Variants in FBXL17 observed in about 807,000 individuals in gnomAD.
FBXL17 encodes the protein F-box/LRR-repeat protein 17.
A neutral mutation model predicts 66.2 loss-of-function variants in FBXL17; 22 were observed. The observed-to-expected ratio is 0.33, with a 90% confidence interval of 0.24 to 0.47. The LOEUF (loss-of-function observed/expected upper bound fraction) is 0.47, where lower values mean the gene tolerates loss of function less well. Ranked by LOEUF, FBXL17 falls within the 20% of genes least tolerant of loss-of-function variation. The pLI, the probability that FBXL17 is intolerant of heterozygous loss-of-function variation, is 1.00. For synonymous variants in FBXL17, 474 were observed against 400.5 expected (o/e 1.18, Z -2.19); for missense variants, 878 against 948.2 (o/e 0.93, Z 0.97).
At chr5:108,185,502 C>T (rs570416410) in intron 6 of FBXL17, among the ~76,000 whole-genome samples, 104 of 152,252 alleles carry the variant, frequency 6.8e-4, no homozygotes, top group Non-Finnish European at 1.3e-3. Context: ...GCCTGCAGAA[C>T]TGTGAATTAA....
chr5:108,003,035 T>C (rs1165576777), intron 7 of FBXL17, among the ~76,000 whole-genome samples: 2 of 152,216 alleles, frequency 1.3e-5, no homozygotes, highest in Non-Finnish European at 2.9e-5. Flanking sequence ...TTAAAATGCA[T>C]GAATTTTATA....
At chr5:108,127,670 A>T (rs1561423737) in intron 6 of FBXL17, among the ~76,000 whole-genome samples, 2 of 152,204 alleles carry the variant, frequency 1.3e-5, no homozygotes, top group Admixed American at 6.5e-5. Context: ...TAGATTTTTT[A>T]AAATTCTGCT....
rs186037745 is a variant in FBXL17 at position 108,233,672 on chromosome 5, T to A, written c.1507-9444A>T. Reference sequence around the variant, plus strand: ...TTCTCAAAGCCAAGCTACACTTTTATAACTGCATGAAATGGATGTAGGCAC... The same window carrying A: ...TTCTCAAAGCCAAGCTACACTTTTAAAACTGCATGAAATGGATGTAGGCAC... On this transcript the variant is annotated intron_variant, in intron 4 of 8. Transcript: ENST00000542267. Among the ~76,000 whole-genome samples, 42 of 152,308 alleles carry A rather than the reference T, an allele frequency of 2.8e-4. No homozygotes were observed. The South Asian group carries it at 6.8e-3, about 25-fold the overall frequency.
intron 5 of FBXL17, among the ~76,000 whole-genome samples, chr5:108,222,067 GCCT>G (rs1754889263): frequency 7.2e-5 from 11 of 152,280 alleles, no homozygotes; most frequent in African/African-American, 2.6e-4. Context: ...AGCAATCCTT[GCCT>G]AAAATCTTCA....
chr5:108,341,509 C>T (rs942425592), intron 4 of FBXL17, among the ~76,000 whole-genome samples: 5 of 152,038 alleles, frequency 3.3e-5, no homozygotes, highest in African/African-American at 1.2e-4. Context: ...TTATGGGTGA[C>T]AGGCATACAG....
At chr5:108,106,596 T>A (rs1256242913) in intron 6 of FBXL17, among the ~76,000 whole-genome samples, 2 of 152,162 alleles carry the variant, frequency 1.3e-5, no homozygotes, top group Admixed American at 6.5e-5. Flanking sequence ...TGCTACAACA[T>A]GGAAGAACAC....
At position 108,098,676 on chromosome 5, in the gene FBXL17, C is replaced by T. The variant is rs142321482; in HGVS notation, c.1746-77675G>A. Among the ~76,000 whole-genome samples, 456 of 145,820 alleles carry T rather than the reference C, an allele frequency of 3.1e-3. 2 individuals are homozygous for T. The highest frequency in any genetic ancestry group is 0.011 in the African/African-American group (438 of 39,276). Reference sequence around the variant, plus strand: ...AGGAAAATGGCGTGAACCCGGGAGGCGGCGCTTGCAATGAGCCAAGATCGT... The same window carrying T: ...AGGAAAATGGCGTGAACCCGGGAGGTGGCGCTTGCAATGAGCCAAGATCGT... On this transcript the variant is annotated intron_variant, in intron 6 of 8. Transcript: ENST00000542267.
chr5:108,153,886 G>A (rs1011727224), intron 6 of FBXL17, among the ~76,000 whole-genome samples: 4 of 152,130 alleles, frequency 2.6e-5, no homozygotes, highest in African/African-American at 9.7e-5. Context: ...GTTTATACCT[G>A]TATCTATGAA....
At chr5:108,167,553 C>T (rs960181131) in intron 6 of FBXL17, among the ~76,000 whole-genome samples, 1 of 152,184 alleles carries the variant, frequency 6.6e-6, no homozygotes, top group African/African-American at 2.4e-5. Context: ...GCTCTATTCA[C>T]AGGTATTTGA....
intron 4 of FBXL17, among the ~76,000 whole-genome samples, chr5:108,278,577 T>C (rs1757575760): frequency 6.6e-6 from 1 of 152,186 alleles, no homozygotes; most frequent in African/African-American, 2.4e-5. Flanking sequence ...GGGGCTCCAA[T>C]GGCCCAGGAC....
intron 6 of FBXL17, among the ~76,000 whole-genome samples, chr5:108,116,618 G>A (rs1016241027): frequency 2.0e-5 from 3 of 151,670 alleles, no homozygotes; most frequent in Non-Finnish European, 2.9e-5. Flanking sequence ...ACTGCACTCC[G>A]GCCTGGCGAC....
chr5:107,967,462 A>T (rs111388774), intron 7 of FBXL17, among the ~76,000 whole-genome samples: 1,839 of 146,140 alleles, frequency 0.013, 39 homozygotes, highest in African/African-American at 0.043. Flanking sequence ...ATTTTCACTC[A>T]TAGGTGGGAA....
At chr5:108,016,475 G>A (rs1222167639) in intron 7 of FBXL17, among the ~76,000 whole-genome samples, 2 of 152,150 alleles carry the variant, frequency 1.3e-5, no homozygotes, top group African/African-American at 2.4e-5. Context: ...TATTTCTAGG[G>A]CCCACAGGAG....
intron 7 of FBXL17, among the ~76,000 whole-genome samples, chr5:107,976,944 TTCTC>T (rs1752602336): frequency 6.6e-6 from 1 of 152,220 alleles, no homozygotes. Context: ...TTTCACTCCC[TTCTC>T]TCTTTCCAAG....
intron 5 of FBXL17, among the ~76,000 whole-genome samples, chr5:108,198,978 T>C (rs778952252): frequency 4.6e-5 from 7 of 152,146 alleles, no homozygotes; most frequent in Non-Finnish European, 7.4e-5. Context: ...ATAACTTTGA[T>C]TTATATAATA....
At chr5:108,092,517 T>C (rs534572574) in intron 6 of FBXL17, among the ~76,000 whole-genome samples, 54 of 152,240 alleles carry the variant, frequency 3.5e-4, no homozygotes, top group African/African-American at 1.2e-3. Context: ...GGTTTTGCCA[T>C]GTTGTCCAGG....
At chr5:108,175,479 T>A (rs919949394) in intron 6 of FBXL17, among the ~76,000 whole-genome samples, 4 of 152,270 alleles carry the variant, frequency 2.6e-5, no homozygotes, top group Admixed American at 2.6e-4. Context: ...GCAGTGCAAC[T>A]ATAATTGTTA....
chr5:107,981,612 G>A (rs1187674746), intron 7 of FBXL17, among the ~76,000 whole-genome samples: 2 of 152,230 alleles, frequency 1.3e-5, no homozygotes, highest in Admixed American at 6.5e-5. Context: ...ACACTTCTCC[G>A]TTCTGCCCAG....
chr5:108,172,076 C>T (rs756434894), intron 6 of FBXL17, among the ~76,000 whole-genome samples: 1 of 152,136 alleles, frequency 6.6e-6, no homozygotes, highest in Non-Finnish European at 1.5e-5. Flanking sequence ...TACCCAGTCT[C>T]GGGTATGTCC....
Sources: gnomAD v4.1 joint callset for allele counts (sites outside exome capture counted in the v4.1 genomes callset) on GRCh38, gnomAD v4.1.1 for gene constraint, MANE v1.5 for transcripts, NCBI Gene and HGNC (gene_info 2026-07-23, HGNC 2026-07-21) for gene names.